The following CNTN3 variants were observed in gnomAD, a reference collection of about 807,000 sequenced individuals.
CNTN3 encodes the protein contactin-3.
Under a neutral mutation model 119.1 loss-of-function variants are expected in CNTN3, and 60 were observed. That is an observed-to-expected ratio of 0.50 (90% CI 0.41 to 0.62). The LOEUF is 0.62. CNTN3 is among the 20% of genes least tolerant of loss of function. CNTN3 has a pLI of 0.00. For missense variants in CNTN3, 1,101 were observed against 1,242.4 expected (o/e 0.89, Z 1.71); for synonymous variants, 450 against 438.7 (o/e 1.03, Z -0.32).
At chr3:74,364,636 A>G (rs1704148287) in intron 9 of CNTN3, 40 bp from the exon 10 acceptor site, 1 of 1,515,938 alleles carries the variant, frequency 6.6e-7, no homozygotes, top group African/African-American at 1.4e-5. Context: ...AAACAAACAT[A>G]CCACTTTAGA....
chr3:74,577,770 T>A lies in CNTN3; in HGVS notation c.-81+36621A>T, dbSNP rs188975454. Among the ~76,000 whole-genome samples the A allele has an allele frequency of 1.4e-4, 22 of 151,840 alleles. 1 individual carries two copies. The highest frequency in any genetic ancestry group is 6.8e-3 in the Middle Eastern group (2 of 292). On this transcript the variant is annotated intron_variant, in intron 1 of 22. Coordinates refer to ENST00000263665, the MANE Select transcript of CNTN3 (RefSeq NM_020872.3). ...ACATTAATTTTAGCCAAAAGTTTTA[T>A]CTTGAACTAATGATAGATGTTACTG...
intron 1 of CNTN3, among the ~76,000 whole-genome samples, chr3:74,535,115 C>T (rs1454352608): frequency 6.6e-6 from 1 of 152,076 alleles, no homozygotes; most frequent in African/African-American, 2.4e-5. Context: ...ACGCTGCTTA[C>T]ATCTTTTTGT....
intron 5 of CNTN3, among the ~76,000 whole-genome samples, chr3:74,382,002 AG>A (rs907615428): frequency 3.9e-5 from 6 of 152,182 alleles, no homozygotes; most frequent in African/African-American, 1.2e-4. Context: ...TGTGGTCGGG[AG>A]TTTGAGATCA....
At chr3:74,515,038 T>C (rs1236400186) in intron 2 of CNTN3, among the ~76,000 whole-genome samples, 1 of 152,040 alleles carries the variant, frequency 6.6e-6, no homozygotes, top group Non-Finnish European at 1.5e-5. Flanking sequence ...TTTGAATTTC[T>C]GGATGTGGGG....
chr3:74,572,390 A>G (rs901286552), intron 1 of CNTN3, among the ~76,000 whole-genome samples: 1 of 152,218 alleles, frequency 6.6e-6, no homozygotes, highest in Non-Finnish European at 1.5e-5. Context: ...TATGGGATCA[A>G]CATAAATGTT....
chr3:74,578,262 A>G (rs1235084102), intron 1 of CNTN3, among the ~76,000 whole-genome samples: 1 of 152,076 alleles, frequency 6.6e-6, no homozygotes, highest in Non-Finnish European at 1.5e-5. Flanking sequence ...AAAAAAATAC[A>G]TTAATAAAAT....
chr3:74,400,074 C>T (rs1401565934), intron 5 of CNTN3, among the ~76,000 whole-genome samples: 1 of 152,028 alleles, frequency 6.6e-6, no homozygotes, highest in East Asian at 1.9e-4. Flanking sequence ...GTACACAAAT[C>T]AAATGGTTAA....
Position 74,542,011 on chromosome 3 carries a change from T to C in CNTN3, c.-80-20819A>G, listed in dbSNP as rs1703849176. 1.3e-5 allele frequency among the ~76,000 whole-genome samples: 2 copies of C among 152,068 alleles called. 1 individual carries two copies. Among genetic ancestry groups the C allele is most frequent in the South Asian group, 4.1e-4 (2 of 4,824 alleles). ...CACTTGGGAAGCCAAGGCAGGAGGA[T>C]TGCTTGTGGCCAGGAGTTTGAGACT... On this transcript the variant is annotated intron_variant, in intron 1 of 22. Transcript: ENST00000263665.
At chr3:74,556,125 T>G (rs1401787539) in intron 1 of CNTN3, among the ~76,000 whole-genome samples, 1 of 152,190 alleles carries the variant, frequency 6.6e-6, no homozygotes, top group Non-Finnish European at 1.5e-5. Context: ...TGCCCACTTT[T>G]TAAATAACCA....
chr3:74,511,197 A>C (rs1169841223), intron 2 of CNTN3, among the ~76,000 whole-genome samples: 1 of 152,038 alleles, frequency 6.6e-6, no homozygotes, highest in Non-Finnish European at 1.5e-5. Flanking sequence ...CCTTCTTACA[A>C]ACAAAAAATC....
chr3:74,301,813 A>G lies in CNTN3; in HGVS notation c.1787-8T>C. The G allele has an allele frequency of 6.2e-7, 1 of 1,613,446 alleles. No individual in the cohort carries two copies. The highest frequency in any genetic ancestry group is 8.5e-7 in the Non-Finnish European group (1 of 1,179,634). On this transcript the variant is annotated splice_polypyrimidine_tract_variant and splice_region_variant and intron_variant, in intron 14 of 22. Coordinates refer to ENST00000263665, the MANE Select transcript of CNTN3 (RefSeq NM_020872.3). ...CTGGTGGTCCAGGTGAACCTAAGGAAGGCACAAATGGAAACATTGAGTAGC... is the reference window on the plus strand; with the variant it reads ...CTGGTGGTCCAGGTGAACCTAAGGAGGGCACAAATGGAAACATTGAGTAGC...
At chr3:74,476,500 C>T (rs936562640) in intron 4 of CNTN3, among the ~76,000 whole-genome samples, 1 of 152,144 alleles carries the variant, frequency 6.6e-6, no homozygotes, top group Admixed American at 6.6e-5. Flanking sequence ...TAGGTAGAAA[C>T]TCTGCTAAAG....
intron 4 of CNTN3, among the ~76,000 whole-genome samples, chr3:74,426,362 CAGT>C (rs1347106794): frequency 7.9e-5 from 12 of 152,248 alleles, no homozygotes; most frequent in African/African-American, 2.4e-4. Flanking sequence ...TGTCTATACA[CAGT>C]GAAGCAGTAT....
chr3:74,267,414 G>T (rs777516228), intron 20 of CNTN3, 36 bp from the exon 21 acceptor site: 23 of 1,407,880 alleles, frequency 1.6e-5, no homozygotes, highest in African/African-American at 4.2e-5. Context: ...AAAACAGATC[G>T]AAGTACAAGT....
intron 5 of CNTN3, among the ~76,000 whole-genome samples, chr3:74,403,386 A>G (rs1705246768): frequency 1.3e-5 from 2 of 152,166 alleles, no homozygotes; most frequent in Admixed American, 1.3e-4. Flanking sequence ...CATCATAGCA[A>G]CTTTGGGAGT....
At position 74,410,095 on chromosome 3, in the gene CNTN3, T is replaced by C. The variant is rs541398987; in HGVS notation, c.454+14750A>G. Among the ~76,000 whole-genome samples the C allele has an allele frequency of 2.6e-5, 4 of 152,300 alleles. No individual in the cohort carries two copies. In the South Asian group the frequency reaches 6.2e-4, roughly 24 times the overall value. On this transcript the variant is annotated intron_variant, in intron 5 of 22. Transcript: ENST00000263665. ...CACTCATAGAAAGATTCAGAATGCC[T>C]TGACTGCACCCTGTGGATGTTACAA...
intron 3 of CNTN3, among the ~76,000 whole-genome samples, chr3:74,494,297 A>G (rs1204505430): frequency 6.6e-6 from 1 of 152,138 alleles, no homozygotes; most frequent in African/African-American, 2.4e-5. Flanking sequence ...GAAAAAACAC[A>G]AGAAAGAGAA....
At chr3:74,539,994 A>G (rs1285433646) in intron 1 of CNTN3, among the ~76,000 whole-genome samples, 2 of 152,164 alleles carry the variant, frequency 1.3e-5, no homozygotes, top group Non-Finnish European at 2.9e-5. Context: ...AGCACATTCT[A>G]TTATGGAAGC....
intron 11 of CNTN3, among the ~76,000 whole-genome samples, chr3:74,348,384 C>A (rs563541136): frequency 6.6e-6 from 1 of 152,242 alleles, no homozygotes; most frequent in East Asian, 1.9e-4. Flanking sequence ...ACTTCTCTCC[C>A]TTTGAATTTG....
Sources: gnomAD v4.1 joint callset for allele counts (sites outside exome capture counted in the v4.1 genomes callset) on GRCh38, gnomAD v4.1.1 for gene constraint, MANE v1.5 for transcripts, NCBI Gene and HGNC (gene_info 2026-07-23, HGNC 2026-07-21) for gene names.